Variants in COL4A5 observed in about 807,000 individuals in gnomAD.
COL4A5 encodes the protein collagen alpha-5(IV) chain.
In COL4A5, 26 loss-of-function variants were observed where a neutral mutation model predicts 130.2. The observed-to-expected ratio is 0.20, with a 90% CI of 0.15 to 0.28. The LOEUF (loss-of-function observed/expected upper bound fraction) is 0.28, where lower values mean the gene tolerates loss of function less well. COL4A5 is among the 10% of genes least tolerant of loss of function. The pLI, the probability that COL4A5 is intolerant of heterozygous loss-of-function variation, is 1.00. For synonymous variants in COL4A5, 496 were observed against 439.6 expected, an observed-to-expected ratio of 1.13 and a Z score of -1.60; for missense variants, 1,131 against 1,344.3, an observed-to-expected ratio of 0.84 and a Z score of 2.48.
intron 8 of COL4A5, 56 bp downstream of exon 8, chrX:108,571,893 C>T (rs939625708): frequency 1.1e-6 from 1 of 907,841 alleles, no homozygotes; most frequent in East Asian, 3.1e-5. Flanking sequence ...GGAAAGCTGG[C>T]AACTTCAATA....
intron 1 of COL4A5, among the ~76,000 whole-genome samples, chrX:108,526,667 CTTTCTCTT>C (rs1415160222): frequency 8.8e-5 from 4 of 45,352 alleles, no homozygotes; most frequent in African/African-American, 5.2e-4. Context: ...TTTCTTCTTT[CTTTCTCTT>C]TCTTTCTTTC....
At chrX:108,648,534 T>C (rs1035115800) in intron 36 of COL4A5, among the ~76,000 whole-genome samples, 5 of 111,465 alleles carry the variant, frequency 4.5e-5, no homozygotes, top group African/African-American at 1.6e-4. Context: ...AAAAAGATAA[T>C]CCACCATGAT....
In COL4A5 at chrX:108,574,835, C is replaced by T. The variant is rs372263475; in HGVS notation, c.547-1075C>T. Reference sequence around the variant, plus strand: ...TAGCATCTTGCACTCTTGCCCAGACCGGAGTGCAGTGGCATGATCATGGCT... The same window carrying T: ...TAGCATCTTGCACTCTTGCCCAGACTGGAGTGCAGTGGCATGATCATGGCT... On this transcript the variant is annotated intron_variant, in intron 9 of 52. Coordinates refer to ENST00000328300, the MANE Select transcript of COL4A5 (RefSeq NM_033380.3). 6.7e-4 allele frequency among the ~76,000 whole-genome samples: 74 copies of T among 110,928 alleles called. 1 individual carries two copies. The highest frequency in any genetic ancestry group is 2.3e-3 in the African/African-American group (69 of 30,471).
At chrX:108,516,455 A>G (rs1266586325) in intron 1 of COL4A5, among the ~76,000 whole-genome samples, 2 of 111,971 alleles carry the variant, frequency 1.8e-5, no homozygotes, top group Admixed American at 1.9e-4. Flanking sequence ...GTTAAGTTCA[A>G]CTTGTGTTAA....
chrX:108,523,172 C>T (rs983180953), intron 1 of COL4A5, among the ~76,000 whole-genome samples: 22 of 111,470 alleles, frequency 2.0e-4, no homozygotes, highest in South Asian at 3.8e-4. Flanking sequence ...CCACCCTCCC[C>T]GGCCCAAGAA....
chrX:108,685,930 C>A, intron 47 of COL4A5, 101 bp from the exon 48 acceptor site: 1 of 713,514 alleles, frequency 1.4e-6, no homozygotes, highest in Non-Finnish European at 2.2e-6. Context: ...AAGACAAAAC[C>A]AAATTGTGAA....
chrX:108,638,366 T>C (rs1249186620), intron 36 of COL4A5, among the ~76,000 whole-genome samples: 1 of 110,512 alleles, frequency 9.0e-6, no homozygotes, highest in Non-Finnish European at 1.9e-5. Context: ...TTTGACAAAA[T>C]TCAACACTGT....
At chrX:108,594,359 T>C (rs957841065) in intron 21 of COL4A5, among the ~76,000 whole-genome samples, 5 of 111,922 alleles carry the variant, frequency 4.5e-5, no homozygotes, top group Non-Finnish European at 9.4e-5. Flanking sequence ...TCCTAGATCA[T>C]TGCAACAGTA....
At chrX:108,676,775 A>G (rs1371022107) in intron 43 of COL4A5, among the ~76,000 whole-genome samples, 1 of 112,058 alleles carries the variant, frequency 8.9e-6, no homozygotes, top group East Asian at 2.8e-4. Flanking sequence ...AACTACTTAC[A>G]AATAAAGCAA....
chrX:108,651,072 G>A (rs1042501717), intron 36 of COL4A5, among the ~76,000 whole-genome samples: 4 of 111,726 alleles, frequency 3.6e-5, no homozygotes, highest in African/African-American at 1.3e-4. Flanking sequence ...AAATAAGCAA[G>A]GCACAAAATA....
chrX:108,644,134 A>G (rs1023301964), intron 36 of COL4A5, among the ~76,000 whole-genome samples: 1 of 112,401 alleles, frequency 8.9e-6, no homozygotes, highest in Non-Finnish European at 1.9e-5. Context: ...GTTAAAAGAG[A>G]CAAAGAGGGA....
chrX:108,687,722 C>A, intron 49 of COL4A5, 28 bp downstream of exon 49: 1 of 1,176,293 alleles, frequency 8.5e-7, no homozygotes. Flanking sequence ...TAATTTCCTA[C>A]TGTGCCTTTT....
At chrX:108,591,776 A>G (rs2066440721) in intron 21 of COL4A5, 132 bp downstream of exon 21, 1 of 529,088 alleles carries the variant, frequency 1.9e-6, no homozygotes, top group Non-Finnish European at 3.3e-6. Flanking sequence ...CTCATTACCA[A>G]TAGTGTTATA....
chrX:108,441,859 G>A (rs753939026), intron 1 of COL4A5, among the ~76,000 whole-genome samples: 2 of 111,600 alleles, frequency 1.8e-5, no homozygotes, highest in Non-Finnish European at 3.8e-5. Flanking sequence ...GGTATGTATA[G>A]CAACACTACA....
At position 108,640,734 on chromosome X, in the gene COL4A5, G is replaced by T. The variant is rs187098647; in HGVS notation, c.3246+14385G>T. 9.2e-4 allele frequency among the ~76,000 whole-genome samples: 102 copies of T among 111,318 alleles called. 1 individual carries two copies. The highest frequency in any genetic ancestry group is 3.0e-3 in the African/African-American group (93 of 30,662). On this transcript the variant is annotated intron_variant, in intron 36 of 52. Coordinates refer to ENST00000328300, the MANE Select transcript of COL4A5 (RefSeq NM_033380.3). ...TATACCCTTAAAAATAATTAAAATGGTAAGATTTATGTTTTGTATATTTTG... is the reference window on the plus strand; with the variant it reads ...TATACCCTTAAAAATAATTAAAATGTTAAGATTTATGTTTTGTATATTTTG...
chrX:108,583,780 A>G (rs535266702), intron 17 of COL4A5, among the ~76,000 whole-genome samples: 2 of 111,371 alleles, frequency 1.8e-5, no homozygotes, highest in South Asian at 7.5e-4. Context: ...GTTTAGAGTC[A>G]GAATAGAAGT....
rs1020884960 is a variant in COL4A5 at position 108,675,171 on chromosome X, C to G, written c.3808+418C>G. On this transcript the variant is annotated intron_variant, in intron 43 of 52. Coordinates refer to ENST00000328300, the MANE Select transcript of COL4A5 (RefSeq NM_033380.3). ...TATTTTCAGTGATGGCAGAGATATA[C>G]TATTGAATACTGTTAAAAATAAAAC... 6.3e-5 allele frequency among the ~76,000 whole-genome samples: 7 copies of G among 111,277 alleles called. No homozygotes were observed. In the Admixed American group the frequency reaches 6.7e-4, roughly 11 times the overall value.
At chrX:108,692,513 G>A (rs1421396761) in intron 49 of COL4A5, among the ~76,000 whole-genome samples, 2 of 111,840 alleles carry the variant, frequency 1.8e-5, no homozygotes, top group Non-Finnish European at 3.8e-5. Flanking sequence ...TTTAAAAACA[G>A]CATTAGGGAA....
At chrX:108,669,442 T>C (rs2147961599) in intron 41 of COL4A5, among the ~76,000 whole-genome samples, 1 of 112,218 alleles carries the variant, frequency 8.9e-6, no homozygotes, top group African/African-American at 3.2e-5. Flanking sequence ...AACACATGAA[T>C]TAAATGGGAT....
Sources: gnomAD v4.1 joint callset for allele counts (sites outside exome capture counted in the v4.1 genomes callset) on GRCh38, gnomAD v4.1.1 for gene constraint, MANE v1.5 for transcripts, NCBI Gene and HGNC (gene_info 2026-07-23, HGNC 2026-07-21) for gene names.